Variants in HCFC2 observed in about 807,000 individuals in gnomAD.
HCFC2 encodes the protein host cell factor C2.
HCFC2 carries 18 observed loss-of-function variants against 89.2 expected under a neutral mutation model. The ratio of observed to expected loss-of-function variants is 0.20; its 90% CI spans 0.14 to 0.30. The LOEUF (loss-of-function observed/expected upper bound fraction) is 0.30. HCFC2 is among the 10% of genes least tolerant of loss of function. HCFC2 has a pLI of 1.00. For synonymous variants in HCFC2, 308 were observed against 335.7 expected (o/e 0.92, Z 0.90); for missense variants, 578 against 956.1 (o/e 0.60, Z 5.21).
Position 104,086,951 on chromosome 12 carries a change from T to C in HCFC2, c.1168T>C (p.Leu390=), listed in dbSNP as rs369758343. 4 of 1,614,042 alleles carry C rather than the reference T, an allele frequency of 2.5e-6. No homozygotes were observed. Among genetic ancestry groups the C allele is most frequent in the Non-Finnish European group, 3.4e-6 (4 of 1,179,986 alleles). Residue 390 remains leucine (L), a synonymous_variant, in exon 8 of 15, where the codon TTG becomes CTG. Transcript: ENST00000229330. ...TACAGTTGAGGGCTATCTTTTGCAG[T>C]TGAGTACAGACTTGCCATACCAAGC... ...VSTVEGYLLQ[L]STDLPYQAAS... is the part of the protein sequence containing the mutation.
At chr12:104,102,647 T>C (rs763837984) in intron 14 of HCFC2, among the ~76,000 whole-genome samples, 1 of 152,196 alleles carries the variant, frequency 6.6e-6, no homozygotes, top group Non-Finnish European at 1.5e-5. Flanking sequence ...AATAGAGCAC[T>C]CGAAACTGGA....
chr12:104,067,910 T>C, intron 2 of HCFC2, 37 bp from the exon 3 acceptor site: 1 of 1,551,788 alleles, frequency 6.4e-7, no homozygotes, highest in Non-Finnish European at 8.6e-7. Flanking sequence ...GCTTTCTTGA[T>C]TTTGTCTGAC....
chr12:104,071,914 T>G (rs1190671047), intron 3 of HCFC2, among the ~76,000 whole-genome samples: 1 of 152,222 alleles, frequency 6.6e-6, no homozygotes, highest in African/African-American at 2.4e-5. Flanking sequence ...TGACTAATAG[T>G]GTTGGACATC....
Position 104,104,111 on chromosome 12 carries a change from T to C in HCFC2, c.*838T>C, listed in dbSNP as rs2030026306. 1 of 152,062 alleles carries C rather than the reference T, an allele frequency of 6.6e-6. No homozygotes were observed. The highest frequency in any genetic ancestry group is 1.5e-5 in the Non-Finnish European group (1 of 67,906). The allele number at this position is 152,062 out of a possible 1,614,324, so 9.4% of individuals were successfully genotyped here. On this transcript the variant is annotated 3_prime_UTR_variant, in exon 15 of 15. Coordinates refer to ENST00000229330, the MANE Select transcript of HCFC2 (RefSeq NM_013320.3). ...TTTTCATCTGTCTTAATGGCTCTAA[T>C]TTTGCTTTTGCTAAAATTAAAATCT... is the stretch of plus-strand genomic sequence containing the variant.
In HCFC2 at chr12:104,104,422, A is replaced by G. The variant is rs2030034186; in HGVS notation, c.*1149A>G. On this transcript the variant is annotated 3_prime_UTR_variant, in exon 15 of 15. Transcript: ENST00000229330. ...GTAACTTGTTTTAAACCTTTTAGGAATTTCATGGTTCCACTGCCTATTTAA... is the reference window on the plus strand; with the variant it reads ...GTAACTTGTTTTAAACCTTTTAGGAGTTTCATGGTTCCACTGCCTATTTAA... 6.6e-6 allele frequency: 1 copy of G among 152,038 alleles called. No homozygotes were observed. The allele number at this position is 152,038 out of a possible 1,614,324, so 9.4% of individuals were successfully genotyped here.
At chr12:104,087,466 CAT>C (rs10548496) in intron 8 of HCFC2, among the ~76,000 whole-genome samples, 21,749 of 139,174 alleles carry the variant, frequency 0.16, 1,916 homozygotes, top group East Asian at 0.4. Flanking sequence ...TATATATATA[CAT>C]ATATATATAT....
At chr12:104,083,745 G>A (rs908648461) in intron 7 of HCFC2, among the ~76,000 whole-genome samples, 1 of 152,082 alleles carries the variant, frequency 6.6e-6, no homozygotes, top group African/African-American at 2.4e-5. Context: ...TATATTAGAG[G>A]CTGGGTGCAG....
chr12:104,097,226 A>C (rs1005014028), intron 12 of HCFC2, among the ~76,000 whole-genome samples: 2 of 152,022 alleles, frequency 1.3e-5, no homozygotes. Context: ...AATTCTCTTT[A>C]GTTTTTATTT....
chr12:104,096,765 A>G (rs1438360209), intron 12 of HCFC2, among the ~76,000 whole-genome samples: 1 of 152,112 alleles, frequency 6.6e-6, no homozygotes, highest in African/African-American at 2.4e-5. Flanking sequence ...TATGCTTTTT[A>G]TATTTTTCTA....
intron 12 of HCFC2, among the ~76,000 whole-genome samples, chr12:104,097,079 T>A (rs1462291945): frequency 6.6e-6 from 1 of 152,182 alleles, no homozygotes; most frequent in Admixed American, 6.5e-5. Flanking sequence ...ACCAAGATTG[T>A]CTTACTTAGA....
chr12:104,082,650 A>C, intron 6 of HCFC2, 44 bp downstream of exon 6: 1 of 1,567,758 alleles, frequency 6.4e-7, no homozygotes. Context: ...CTTTATTAAT[A>C]AGATAATTTT....
chr12:104,069,784 A>C (rs1310212949), intron 3 of HCFC2, among the ~76,000 whole-genome samples: 4 of 151,830 alleles, frequency 2.6e-5, no homozygotes, highest in African/African-American at 9.7e-5. Flanking sequence ...TGCACCTATC[A>C]ACCCATCATC....
At position 104,082,908 on chromosome 12, in the gene HCFC2, A is replaced by G. The variant is rs1468048998; in HGVS notation, c.1063+7A>G. On this transcript the variant is annotated splice_region_variant and intron_variant, in intron 7 of 14. Coordinates refer to ENST00000229330, the MANE Select transcript of HCFC2 (RefSeq NM_013320.3). ...CTTTGGTATCTTGATACTGGTAGGT[A>G]AGAATATTTAACAAATAAACTTTTT... is the stretch of plus-strand genomic sequence containing the variant. The G allele has an allele frequency of 8.9e-6, 14 of 1,578,702 alleles. No individual in the cohort carries two copies. In the South Asian group the frequency reaches 1.6e-4, roughly 18 times the overall value.
At chr12:104,070,972 T>C (rs955042575) in intron 3 of HCFC2, among the ~76,000 whole-genome samples, 1 of 151,960 alleles carries the variant, frequency 6.6e-6, no homozygotes, top group African/African-American at 2.4e-5. Context: ...GCCTGGCTAA[T>C]TTTTTTGTGT....
In HCFC2 at chr12:104,064,598, C is replaced by T. The variant is rs1271060278; in HGVS notation, c.38C>T (p.Ser13Phe). The T allele has an allele frequency of 6.4e-7, 1 of 1,572,164 alleles. No homozygotes were observed. Among genetic ancestry groups the T allele is most frequent in the Non-Finnish European group, 8.6e-7 (1 of 1,161,858 alleles). Residue 13 changes from serine to phenylalanine, a missense_variant, in exon 1 of 15, where the codon TCT (serine) becomes TTT (phenylalanine). By Grantham distance (155) the Ser-to-Phe change is radical. This residue lies in a region of HCFC2 where 22 missense variants were observed against 18.7 expected (regional missense o/e 1.18). Transcript: ENST00000229330. The surrounding 1 kb of genome is among the most constrained non-coding windows in gnomAD (Gnocchi z 7.3). ...AGCCTCCTCAACTGGAGGCGAGTTT[C>T]TTCCTTCACGGGGCCGGTCCCCCGC... is the stretch of plus-strand genomic sequence containing the variant. ...APSLLNWRRV[S>F]SFTGPVPRAR...
chr12:104,098,320 A>C (rs770986985), intron 12 of HCFC2, 23 bp from the exon 13 acceptor site: 69 of 1,579,278 alleles, frequency 4.4e-5, no homozygotes, highest in Non-Finnish European at 5.6e-5. Context: ...AGTCTTCATA[A>C]ATTTTTTTTT....
At position 104,064,984 on chromosome 12, in the gene HCFC2, C is replaced by G. The variant is rs1271963932; in HGVS notation, c.163+261C>G. ...TTCAGGCGGGGGATCCCGGACGCCC[C>G]CACCCCAGCCCGACAGGCGGACGCA... On this transcript the variant is annotated intron_variant, in intron 1 of 14. Coordinates refer to ENST00000229330, the MANE Select transcript of HCFC2 (RefSeq NM_013320.3). The surrounding 1 kb of genome is among the most constrained non-coding windows in gnomAD (Gnocchi z 7.3). 5.5e-6 allele frequency: 2 copies of G among 363,764 alleles called. No homozygotes were observed. The highest frequency in any genetic ancestry group is 9.8e-6 in the Non-Finnish European group (2 of 204,346). The allele number at this position is 363,764 out of a possible 1,614,324, so 22.5% of individuals were successfully genotyped here. A position where few individuals can be genotyped will look rare whatever the true frequency, so the allele number is the denominator to read the frequency against.
At chr12:104,066,379 A>G in intron 2 of HCFC2, 64 bp downstream of exon 2, 1 of 1,228,540 alleles carries the variant, frequency 8.1e-7, no homozygotes, top group Non-Finnish European at 1.1e-6. Context: ...TAATTTTTCA[A>G]AAGATTGCAA....
chr12:104,086,792 G>A (rs1883863505), intron 7 of HCFC2, 55 bp from the exon 8 acceptor site: 2 of 1,505,352 alleles, frequency 1.3e-6, no homozygotes, highest in African/African-American at 2.8e-5. Flanking sequence ...AATTATATCA[G>A]CAAACCATTT....
Sources: gnomAD v4.1 joint callset for allele counts (sites outside exome capture counted in the v4.1 genomes callset) on GRCh38, gnomAD v4.1.1 for gene constraint, gnomAD v4.1.1 regional missense constraint, Gnocchi (gnomAD v3.1) non-coding constraint, MANE v1.5 for transcripts, NCBI Gene and HGNC (gene_info 2026-07-23, HGNC 2026-07-21) for gene names.